Variants in ICA1 observed in about 807,000 individuals in gnomAD.
ICA1 encodes the protein islet cell autoantigen 1, also known as 69 kDa islet cell autoantigen.
In ICA1, 40 loss-of-function variants were observed where a neutral mutation model predicts 71.0. That is an observed-to-expected ratio of 0.56 (90% CI 0.44 to 0.73). The LOEUF (loss-of-function observed/expected upper bound fraction) is 0.73, where lower values mean the gene tolerates loss of function less well. Ranked by LOEUF, ICA1 falls within the 30% of genes least tolerant of loss-of-function variation. The probability of loss-of-function intolerance (pLI) is 0.00; values close to 1 mark genes in which losing one functional copy is unlikely to be tolerated. For synonymous variants in ICA1, 207 were observed against 209.5 expected (o/e 0.99, Z 0.10); for missense variants, 578 against 576.5 (o/e 1.00, Z -0.03).
chr7:8,261,641 C>T (rs929048799), intron 1 of ICA1, among the ~76,000 whole-genome samples: 32 of 152,134 alleles, frequency 2.1e-4, no homozygotes, highest in Admixed American at 2.0e-3. Context: ...ACACACCAGG[C>T]GCCGCGGCAG....
chr7:8,175,959 C>T (rs778125292), intron 6 of ICA1, among the ~76,000 whole-genome samples: 7 of 152,132 alleles, frequency 4.6e-5, no homozygotes, highest in African/African-American at 7.2e-5. Context: ...GTTCCATGGA[C>T]GGCAAAGGGG....
At chr7:8,143,691 G>C (rs556043584) in intron 9 of ICA1, among the ~76,000 whole-genome samples, 184 bp downstream of exon 9, 3 of 152,206 alleles carry the variant, frequency 2.0e-5, no homozygotes, top group South Asian at 4.1e-4. Flanking sequence ...ACTGGGATAC[G>C]TGAGTCATGA....
chr7:8,229,399 A>G (rs1309050593), intron 3 of ICA1, among the ~76,000 whole-genome samples: 1 of 152,218 alleles, frequency 6.6e-6, no homozygotes, highest in Non-Finnish European at 1.5e-5. Context: ...TTTGTTTCAG[A>G]AACTGAGATA....
chr7:8,211,379 C>G (rs909628631), intron 6 of ICA1, among the ~76,000 whole-genome samples: 2 of 152,206 alleles, frequency 1.3e-5, no homozygotes, highest in African/African-American at 4.8e-5. Flanking sequence ...CAGCTCCAAC[C>G]TGCAAGGGAG....
chr7:8,255,433 G>C (rs1489802655), intron 1 of ICA1, among the ~76,000 whole-genome samples: 3 of 152,102 alleles, frequency 2.0e-5, no homozygotes, highest in African/African-American at 7.2e-5. Flanking sequence ...CTTTTCCTCT[G>C]TGTCTGCATC....
chr7:8,219,332 A>G (rs1796336465), intron 5 of ICA1, among the ~76,000 whole-genome samples: 1 of 152,256 alleles, frequency 6.6e-6, no homozygotes, highest in Admixed American at 6.5e-5. Flanking sequence ...GTTTCAGGGC[A>G]CAGGTGCCAA....
chr7:8,143,580 A>T (rs1259333302), intron 9 of ICA1, among the ~76,000 whole-genome samples: 1 of 152,220 alleles, frequency 6.6e-6, no homozygotes, highest in East Asian at 1.9e-4. Flanking sequence ...GGCTCAGGTC[A>T]CAGGCAGAGA....
In ICA1 at chr7:8,234,190, T is replaced by A. The variant is rs141909380; in HGVS notation, c.18-1435A>T. Among the ~76,000 whole-genome samples, 33 of 152,098 alleles carry A rather than the reference T, an allele frequency of 2.2e-4. No homozygotes were observed. Among genetic ancestry groups the A allele is most frequent in the Admixed American group, 1.8e-3 (27 of 15,268 alleles). On this transcript the variant is annotated intron_variant, in intron 2 of 13. Coordinates refer to ENST00000402384, the MANE Select transcript of ICA1 (RefSeq NM_001136020.3). The surrounding 1 kb of genome is among the most constrained non-coding windows in gnomAD (Gnocchi z 4.5). ...GTGATCACACCACTGCACTTCATCC[T>A]GGGATACGGGGCGAGACCCTGTCCC...
chr7:8,197,918 T>G (rs148148599), intron 6 of ICA1, among the ~76,000 whole-genome samples: 9 of 152,154 alleles, frequency 5.9e-5, no homozygotes, highest in Admixed American at 3.9e-4. Flanking sequence ...AGTGATAGGA[T>G]GGAATGGATG....
chr7:8,232,753 C>T lies in ICA1; in HGVS notation c.20G>A (p.Ser7Asn), dbSNP rs1800643268. 6.3e-7 allele frequency: 1 copy of T among 1,582,422 alleles called. No homozygotes were observed. The highest frequency in any genetic ancestry group is 8.6e-7 in the Non-Finnish European group (1 of 1,166,302). The change falls in exon 3 of 14, where the codon AGT becomes AAT. Residue 7 changes from serine (S) to asparagine (N), a missense_variant and splice_region_variant. Ser to Asn is a conservative substitution (Grantham distance 46). Coordinates refer to ENST00000402384, the MANE Select transcript of ICA1 (RefSeq NM_001136020.3). ...TCGATCCTGTAAGTCCCAGGGATAA[C>T]TGCTAAAAACATTTAAAGAACTATT... MSGHKC[S>N]YPWDLQDRYA...
chr7:8,165,913 G>T (rs183821652), intron 6 of ICA1, among the ~76,000 whole-genome samples: 5 of 152,280 alleles, frequency 3.3e-5, no homozygotes, highest in African/African-American at 1.2e-4. Flanking sequence ...TGGATAGGAA[G>T]AATCAATATT....
intron 1 of ICA1, among the ~76,000 whole-genome samples, chr7:8,253,730 T>C (rs570343209): frequency 6.6e-6 from 1 of 152,278 alleles, no homozygotes; most frequent in South Asian, 2.1e-4. Flanking sequence ...CATACATGGG[T>C]TCTGCAGGGC....
At chr7:8,211,374 C>T (rs776855043) in intron 6 of ICA1, among the ~76,000 whole-genome samples, 1 of 152,200 alleles carries the variant, frequency 6.6e-6, no homozygotes, top group Non-Finnish European at 1.5e-5. Context: ...TTCCTCAGCT[C>T]CAACCTGCAA....
rs1449148824 is a variant in ICA1, at chr7:8,197,382, A to G, written c.579+20923T>C. On this transcript the variant is annotated intron_variant, in intron 6 of 13. Transcript: ENST00000402384. ...AGCCTGGCCAACATAGTGAAACCCC[A>G]TCTCTACTAAAAATACAAAAATTAG... 2.0e-5 allele frequency among the ~76,000 whole-genome samples: 3 copies of G among 151,528 alleles called. No individual in the cohort carries two copies. The East Asian group carries it at 5.8e-4, about 29-fold the overall frequency.
intron 6 of ICA1, among the ~76,000 whole-genome samples, chr7:8,183,305 C>T (rs1782796564): frequency 6.6e-6 from 1 of 152,092 alleles, no homozygotes; most frequent in Non-Finnish European, 1.5e-5. Context: ...GACTTTTTCC[C>T]CAGATATTTG....
chr7:8,231,449 A>G (rs1199789096), intron 3 of ICA1, among the ~76,000 whole-genome samples: 1 of 152,220 alleles, frequency 6.6e-6, no homozygotes, highest in Non-Finnish European at 1.5e-5. Context: ...CATGTTTATA[A>G]ATATGTTAGT....
intron 8 of ICA1, among the ~76,000 whole-genome samples, chr7:8,146,763 G>A (rs939350187): frequency 8.1e-6 from 1 of 123,374 alleles, no homozygotes; most frequent in Non-Finnish European, 1.7e-5. Context: ...GTGTGTGTGT[G>A]TTTAGTATAT....
At chr7:8,143,657 A>G (rs1795945133) in intron 9 of ICA1, among the ~76,000 whole-genome samples, 1 of 152,166 alleles carries the variant, frequency 6.6e-6, no homozygotes, top group South Asian at 2.1e-4. Flanking sequence ...GTGCCCTTCT[A>G]AGTCCCCTGG....
intron 4 of ICA1, 82 bp from the exon 5 acceptor site, chr7:8,221,480 C>T (rs41282706): frequency 0.021 from 30,827 of 1,487,134 alleles, 411 homozygotes; most frequent in Non-Finnish European, 0.025. Flanking sequence ...ATCACAAGGT[C>T]CTCTCTCTTC....
Sources: allele counts gnomAD v4.1 joint callset (sites outside exome capture counted in the v4.1 genomes callset), GRCh38; gene constraint gnomAD v4.1.1; non-coding constraint Gnocchi (gnomAD v3.1); transcripts MANE v1.5; gene names NCBI Gene and HGNC (gene_info 2026-07-23, HGNC 2026-07-21).